Variants in SMYD3 observed in about 807,000 individuals in gnomAD.
The protein encoded by SMYD3 is SET and MYND domain containing 3, also known as histone-lysine N-methyltransferase SMYD3.
Under a neutral mutation model 57.7 loss-of-function variants are expected in SMYD3, and 36 were observed. The observed-to-expected ratio is 0.62, with a 90% CI of 0.48 to 0.82. The LOEUF (loss-of-function observed/expected upper bound fraction) is 0.82. SMYD3 is among the 40% of genes least tolerant of loss of function. The pLI, the probability that SMYD3 is intolerant of heterozygous loss-of-function variation, is 0.00. For missense variants in SMYD3, 515 were observed against 538.8 expected (o/e 0.96, Z 0.44); for synonymous variants, 211 against 195.0 (o/e 1.08, Z -0.68).
chr1:246,178,397 C>T (rs1314746312), intron 5 of SMYD3, among the ~76,000 whole-genome samples: 1 of 152,300 alleles, frequency 6.6e-6, no homozygotes, highest in African/African-American at 2.4e-5. Context: ...TTTTAAATCT[C>T]CTAGACCGGG....
At chr1:246,499,719 G>A (rs1480010698) in intron 1 of SMYD3, among the ~76,000 whole-genome samples, 2 of 152,106 alleles carry the variant, frequency 1.3e-5, no homozygotes, top group African/African-American at 2.4e-5. Flanking sequence ...GCCTCCCAAA[G>A]TGCTGGAATT....
chr1:245,902,508 A>C (rs1411929121), intron 8 of SMYD3, among the ~76,000 whole-genome samples: 1 of 152,172 alleles, frequency 6.6e-6, no homozygotes, highest in East Asian at 1.9e-4. Context: ...GCCTGGGTCA[A>C]CCCATCTCCA....
intron 5 of SMYD3, among the ~76,000 whole-genome samples, chr1:246,079,854 T>C (rs2060609297): frequency 6.6e-6 from 1 of 152,246 alleles, no homozygotes; most frequent in Non-Finnish European, 1.5e-5. Context: ...TTGGTATTAA[T>C]TTTAAATGAC....
At chr1:246,078,067 T>C (rs1368019901) in intron 5 of SMYD3, among the ~76,000 whole-genome samples, 1 of 152,040 alleles carries the variant, frequency 6.6e-6, no homozygotes, top group Non-Finnish European at 1.5e-5. Flanking sequence ...ACACATACAC[T>C]TTTTAAAATT....
At chr1:245,927,154 A>T (rs1314356057) in intron 7 of SMYD3, among the ~76,000 whole-genome samples, 1 of 152,254 alleles carries the variant, frequency 6.6e-6, no homozygotes, top group Non-Finnish European at 1.5e-5. Flanking sequence ...AGGAGAAGGA[A>T]ACGGGGTTCT....
At chr1:245,966,847 A>G (rs2058163944) in intron 5 of SMYD3, among the ~76,000 whole-genome samples, 1 of 151,426 alleles carries the variant, frequency 6.6e-6, no homozygotes, top group African/African-American at 2.4e-5. Context: ...TCTTTCAAAT[A>G]CTCCTTTTCT....
intron 5 of SMYD3, among the ~76,000 whole-genome samples, chr1:246,056,233 A>C (rs1235464598): frequency 2.0e-5 from 3 of 152,164 alleles, no homozygotes; most frequent in African/African-American, 7.2e-5. Context: ...CAAATTAGCA[A>C]GAATATATTT....
intron 10 of SMYD3, among the ~76,000 whole-genome samples, chr1:245,796,250 T>C (rs1255574790): frequency 2.0e-5 from 3 of 152,338 alleles, no homozygotes; most frequent in African/African-American, 4.8e-5. Flanking sequence ...TAGTCTCTTG[T>C]TTCAATATTT....
chr1:245,955,876 GTTTTTTT>G lies in SMYD3; in HGVS notation c.532-25946_532-25940del, dbSNP rs36039473. ...TTGATGATTTTGCAATTTGTTTTGGGTTTTTTTTTTTTTTGGCTCAACATTATATCCT... is the reference window on the plus strand; with the variant it reads ...TTGATGATTTTGCAATTTGTTTTGGGTTTTTTTGGCTCAACATTATATCCT... On this transcript the variant is annotated intron_variant, in intron 5 of 11. Transcript: ENST00000490107. 3 of 672,068 alleles carry G rather than the reference GTTTTTTT, an allele frequency of 4.5e-6. No individual in the cohort carries two copies. In the African/African-American group the frequency reaches 5.9e-5, roughly 13 times the overall value. 41.6% of individuals were successfully genotyped at this position (672,068 alleles called of 1,614,324 possible). A position where few individuals can be genotyped will look rare whatever the true frequency, so the allele number is the denominator to read the frequency against.
At chr1:246,392,573 G>A (rs777134278) in intron 1 of SMYD3, among the ~76,000 whole-genome samples, 17 of 151,774 alleles carry the variant, frequency 1.1e-4, no homozygotes, top group Admixed American at 3.3e-4. Context: ...TTCACCTCCC[G>A]AATAGCTGGG....
intron 5 of SMYD3, chr1:246,034,386 T>C (rs1431076170): frequency 2.0e-5 from 3 of 152,130 alleles, no homozygotes; most frequent in Non-Finnish European, 4.4e-5. Flanking sequence ...ATATGACCAG[T>C]GGAGCAGGTT....
chr1:245,793,084 GTGATCA>G (rs2047353086), intron 10 of SMYD3, among the ~76,000 whole-genome samples: 1 of 146,470 alleles, frequency 6.8e-6, no homozygotes, highest in Non-Finnish European at 1.5e-5. Flanking sequence ...GCCGAGGCGG[GTGATCA>G]CGAAATCAGG....
At chr1:246,081,742 T>C (rs1194173432) in intron 5 of SMYD3, among the ~76,000 whole-genome samples, 1 of 152,144 alleles carries the variant, frequency 6.6e-6, no homozygotes, top group African/African-American at 2.4e-5. Context: ...CAGGATTGAA[T>C]ACATCTCTCC....
chr1:245,853,410 T>C (rs138391649), intron 10 of SMYD3, among the ~76,000 whole-genome samples: 4 of 152,272 alleles, frequency 2.6e-5, no homozygotes, highest in African/African-American at 9.6e-5. Context: ...AAGCAAGCGC[T>C]GGGTATGTGA....
intron 2 of SMYD3, among the ~76,000 whole-genome samples, chr1:246,354,633 G>A (rs2065882455): frequency 7.8e-6 from 1 of 128,938 alleles, no homozygotes. Context: ...AAGAATTCAT[G>A]CCAGATTAAA....
intron 1 of SMYD3, among the ~76,000 whole-genome samples, chr1:246,458,621 T>C (rs1019949174): frequency 1.5e-5 from 2 of 136,872 alleles, no homozygotes; most frequent in African/African-American, 5.4e-5. Flanking sequence ...TGATTTTTTT[T>C]TTTTTTTTTT....
At chr1:245,785,101 C>A (rs1353094791) in intron 10 of SMYD3, among the ~76,000 whole-genome samples, 1 of 147,018 alleles carries the variant, frequency 6.8e-6, no homozygotes, top group Non-Finnish European at 1.5e-5. Context: ...ACTTGAGGCT[C>A]AAACTCCTGA....
intron 10 of SMYD3, among the ~76,000 whole-genome samples, chr1:245,809,070 A>C (rs967707551): frequency 2.0e-5 from 3 of 152,142 alleles, no homozygotes; most frequent in African/African-American, 7.2e-5. Context: ...TGATTTTAAG[A>C]AGTCAGACTG....
intron 5 of SMYD3, among the ~76,000 whole-genome samples, chr1:246,187,213 C>T (rs563730607): frequency 1.1e-3 from 167 of 150,886 alleles, no homozygotes; most frequent in East Asian, 1.4e-3. Context: ...GGTGTGAACC[C>T]GGAGGCAGAG....
Sources: gnomAD v4.1 joint callset for allele counts (sites outside exome capture counted in the v4.1 genomes callset) on GRCh38, gnomAD v4.1.1 for gene constraint, MANE v1.5 for transcripts, NCBI Gene and HGNC (gene_info 2026-07-23, HGNC 2026-07-21) for gene names.